COX7B: variants seen among roughly 807,000 people sequenced by gnomAD.
The protein encoded by COX7B is cytochrome c oxidase subunit 7B.
COX7B carries 2 observed loss-of-function variants against 7.9 expected under a neutral mutation model. The observed-to-expected ratio is 0.25, with a 90% CI of 0.10 to 0.79. The LOEUF is 0.79. COX7B is among the 30% of genes least tolerant of loss of function. COX7B has a pLI of 0.69. For synonymous variants in COX7B, 19 were observed against 21.1 expected, an observed-to-expected ratio of 0.90 and a Z score of 0.27; for missense variants, 54 against 62.7, an observed-to-expected ratio of 0.86 and a Z score of 0.47.
chrX:77,906,368 TGTCTGAAG>T lies in COX7B; in HGVS notation c.*1108_*1115del, dbSNP rs2077135133. ...GGTCCTATAAAACAAACTCGTAGCC[TGTCTGAAG>T]ACTAGCTACTAGCTCCTTGGCTGTT... On this transcript the variant is annotated 3_prime_UTR_variant, in exon 3 of 3. Transcript: ENST00000650309. The T allele has an allele frequency of 2.7e-5, 3 of 111,950 alleles. No individual in the cohort carries two copies. The Admixed American group carries it at 2.9e-4, about 11-fold the overall frequency. The allele number at this position is 111,950 out of a possible 1,213,427, so 9.2% of individuals were successfully genotyped here.
rs916176544 is a variant in COX7B at position 77,907,250 on chromosome X, C to T, written c.*1989C>T. On this transcript the variant is annotated 3_prime_UTR_variant, in exon 3 of 3. Transcript: ENST00000650309. Reference sequence around the variant, plus strand: ...TGTACCACTGTTTGATAAATTTGAACGCTTTATGGTATTTCATATTTAGAA... The same window carrying T: ...TGTACCACTGTTTGATAAATTTGAATGCTTTATGGTATTTCATATTTAGAA... 5.4e-5 allele frequency: 6 copies of T among 111,569 alleles called. No individual in the cohort carries two copies. The highest frequency in any genetic ancestry group is 7.5e-5 in the Non-Finnish European group (4 of 53,165). 9.2% of individuals were successfully genotyped at this position (111,569 alleles called of 1,213,427 possible).
chrX:77,902,255 G>T (rs1224627098), intron 1 of COX7B, among the ~76,000 whole-genome samples: 7 of 111,692 alleles, frequency 6.3e-5, no homozygotes, highest in African/African-American at 2.3e-4. Context: ...AATTTCAGGG[G>T]TTATGCAAAT....
At position 77,899,521 on chromosome X, in the gene COX7B, C is replaced by T. The variant is rs1322525515; in HGVS notation, c.-33C>T. 1.7e-6 allele frequency: 2 copies of T among 1,209,666 alleles called. No individual in the cohort carries two copies. Among genetic ancestry groups the T allele is most frequent in the Non-Finnish European group, 2.2e-6 (2 of 893,773 alleles). On this transcript the variant is annotated 5_prime_UTR_variant, in exon 1 of 3. Transcript: ENST00000650309. Reference sequence around the variant, plus strand: ...AAGCGAATTGGCACCAAAGCAGCAGCTGTATTGCCGCAGTTCTAGCTTCAC... The same window carrying T: ...AAGCGAATTGGCACCAAAGCAGCAGTTGTATTGCCGCAGTTCTAGCTTCAC...
In COX7B at chrX:77,906,183, A is replaced by G. The variant is rs1348566081; in HGVS notation, c.*922A>G. 2 of 112,393 alleles carry G rather than the reference A, an allele frequency of 1.8e-5. No individual in the cohort carries two copies. The highest frequency in any genetic ancestry group is 2.8e-4 in the East Asian group (1 of 3,589). 9.3% of individuals were successfully genotyped at this position (112,393 alleles called of 1,213,427 possible). On this transcript the variant is annotated 3_prime_UTR_variant, in exon 3 of 3. Coordinates refer to ENST00000650309, the MANE Select transcript of COX7B (RefSeq NM_001866.3). Reference sequence around the variant, plus strand: ...GAAATTATAAATAACTGATCATGGAACTATTGCAGATCACCTTTGAGCCAA... The same window carrying G: ...GAAATTATAAATAACTGATCATGGAGCTATTGCAGATCACCTTTGAGCCAA...
intron 1 of COX7B, among the ~76,000 whole-genome samples, chrX:77,900,779 G>A (rs904245541): frequency 2.7e-5 from 3 of 112,459 alleles, no homozygotes; most frequent in Non-Finnish European, 3.8e-5. Flanking sequence ...CTCAACCTCA[G>A]TTTCCTTCTT....
rs188684470 is a variant in COX7B at position 77,902,777 on chromosome X, A to G, written c.165+10A>G. On this transcript the variant is annotated intron_variant, in intron 2 of 2. Transcript: ENST00000650309. Reference sequence around the variant, plus strand: ...TGTTACATGGACATATGTAAGTACTATTGATTAATAATTTCTGTTTCAGAT... The same window carrying G: ...TGTTACATGGACATATGTAAGTACTGTTGATTAATAATTTCTGTTTCAGAT... 138 of 1,198,203 alleles carry G rather than the reference A, an allele frequency of 1.2e-4. No homozygotes were observed. In the African/African-American group the frequency reaches 2.3e-3, roughly 20 times the overall value.
Position 77,905,481 on chromosome X carries a change from GTTTTTTTTTTT to G in COX7B, c.*237_*247del, listed in dbSNP as rs34296412. On this transcript the variant is annotated 3_prime_UTR_variant, in exon 3 of 3. Transcript: ENST00000650309. ...AAATGCTGTGCAGCTTCTTAAATAGGTTTTTTTTTTTTTTTTTTTTTTTTTTTGGGACGAAG... is the reference window on the plus strand; with the variant it reads ...AAATGCTGTGCAGCTTCTTAAATAGGTTTTTTTTTTTTTTTTGGGACGAAG... The G allele has an allele frequency of 5.0e-4, 34 of 67,801 alleles. No homozygotes were observed. The highest frequency in any genetic ancestry group is 2.1e-3 in the African/African-American group (28 of 13,186). The allele number at this position is 67,801 out of a possible 1,213,427, so 5.6% of individuals were successfully genotyped here.
intron 2 of COX7B, among the ~76,000 whole-genome samples, chrX:77,903,678 A>T (rs1292017089): frequency 9.0e-6 from 1 of 110,745 alleles, no homozygotes; most frequent in Admixed American, 9.7e-5. Flanking sequence ...TCTATCAGTA[A>T]TTTTTTTGTT....
chrX:77,900,155 T>C (rs1479204792), intron 1 of COX7B, among the ~76,000 whole-genome samples: 5 of 111,405 alleles, frequency 4.5e-5, no homozygotes, highest in Admixed American at 9.5e-5. Context: ...TCCCCTGAGG[T>C]CAGGAGTTCG....
chrX:77,900,199 C>G (rs2077116920), intron 1 of COX7B, among the ~76,000 whole-genome samples: 1 of 111,016 alleles, frequency 9.0e-6, no homozygotes, highest in South Asian at 3.8e-4. Context: ...AAACGCCGTC[C>G]CTACTAAAAA....
intron 1 of COX7B, 21 bp from the exon 2 acceptor site, chrX:77,902,622 C>T (rs782758848): frequency 1.7e-6 from 2 of 1,206,821 alleles, no homozygotes; most frequent in Admixed American, 2.2e-5. Context: ...CTTCTGTATT[C>T]TTTTTTCGTT....
intron 1 of COX7B, 25 bp downstream of exon 1, chrX:77,899,618 T>C (rs1401438287): frequency 5.8e-6 from 7 of 1,197,422 alleles, no homozygotes; most frequent in Admixed American, 2.2e-5. Context: ...TGACAAATCA[T>C]TTACAACAAC....
chrX:77,901,698 G>A (rs1025243536), intron 1 of COX7B: 2 of 110,862 alleles, frequency 1.8e-5, no homozygotes, highest in Non-Finnish European at 3.8e-5. Flanking sequence ...CAGGATCTCT[G>A]TCTTATACTT....
chrX:77,903,958 A>C (rs1317429244), intron 2 of COX7B, among the ~76,000 whole-genome samples: 1 of 80,968 alleles, frequency 1.2e-5, no homozygotes, highest in Non-Finnish European at 2.2e-5. Context: ...TTTGAGATGG[A>C]ATCTTGCTCT....
intron 2 of COX7B, 65 bp from the exon 3 acceptor site, chrX:77,905,119 A>G: frequency 1.1e-6 from 1 of 892,012 alleles, no homozygotes; most frequent in East Asian, 3.1e-5. Context: ...CATTTTCAAG[A>G]AATAGTCTCC....
rs2077133649 is a variant in COX7B, at chrX:77,905,785, T to A, written c.*524T>A. The stretch of plus-strand genomic sequence containing the variant: ...CTCCTGTCTCAGCCTTCCAAGTAGC[T>A]GGGATTACAGGTGCACGCCACCAGG... On this transcript the variant is annotated 3_prime_UTR_variant, in exon 3 of 3. Transcript: ENST00000650309. The A allele has an allele frequency of 9.0e-6, 1 of 111,171 alleles. No homozygotes were observed. The highest frequency in any genetic ancestry group is 3.3e-5 in the African/African-American group (1 of 30,411). The allele number at this position is 111,171 out of a possible 1,213,427, so 9.2% of individuals were successfully genotyped here.
At position 77,906,085 on chromosome X, in the gene COX7B, C is replaced by T. The variant is rs1212048198; in HGVS notation, c.*824C>T. The T allele has an allele frequency of 1.8e-5, 2 of 112,411 alleles. No homozygotes were observed. Among genetic ancestry groups the T allele is most frequent in the African/African-American group, 6.5e-5 (2 of 30,992 alleles). 9.3% of individuals were successfully genotyped at this position (112,411 alleles called of 1,213,427 possible). A position where few individuals can be genotyped will look rare whatever the true frequency, so the allele number is the denominator to read the frequency against. On this transcript the variant is annotated 3_prime_UTR_variant, in exon 3 of 3. Coordinates refer to ENST00000650309, the MANE Select transcript of COX7B (RefSeq NM_001866.3). ...CAGGCGTGAGCCACGGCACCCAGCC[C>T]TTAAATGGCTTTTATGAGGTAATGT...
At chrX:77,902,062 C>T (rs2077121749) in intron 1 of COX7B, among the ~76,000 whole-genome samples, 1 of 111,708 alleles carries the variant, frequency 9.0e-6, no homozygotes, top group African/African-American at 3.3e-5. Context: ...ATCAAGATTA[C>T]TCTAGTTGTG....
Position 77,902,743 on chromosome X carries a change from T to C in COX7B, c.141T>C (p.Thr47=). ...YGNAVLASGA[T]FCIVTWTYVA... is the part of the protein sequence containing the mutation. ...ATGCTGTATTAGCTAGTGGAGCCACTTTCTGTATTGTTACATGGACATATG... is the reference window on the plus strand; with the variant it reads ...ATGCTGTATTAGCTAGTGGAGCCACCTTCTGTATTGTTACATGGACATATG... Residue 47 remains threonine (T), a synonymous_variant, in exon 2 of 3, where the codon ACT becomes ACC. Transcript: ENST00000650309. 1 of 1,208,691 alleles carries C rather than the reference T, an allele frequency of 8.3e-7. No individual in the cohort carries two copies. The highest frequency in any genetic ancestry group is 1.1e-6 in the Non-Finnish European group (1 of 893,624).
Sources: allele counts gnomAD v4.1 joint callset (sites outside exome capture counted in the v4.1 genomes callset), GRCh38; gene constraint gnomAD v4.1.1; transcripts MANE v1.5; gene names NCBI Gene and HGNC (gene_info 2026-07-23, HGNC 2026-07-21).